Variants in MAPRE3 observed in about 807,000 individuals in gnomAD.
MAPRE3 encodes microtubule associated protein RP/EB family member 3.
In MAPRE3, 2 loss-of-function variants were observed where a neutral mutation model predicts 30.5. The ratio of observed to expected loss-of-function variants is 0.07; its 90% CI spans 0.03 to 0.21. The LOEUF is 0.21. Ranked by LOEUF, MAPRE3 falls within the 10% of genes least tolerant of loss-of-function variation. The pLI is 1.00. For synonymous variants in MAPRE3, 110 were observed against 127.7 expected (o/e 0.86, Z 0.93); for missense variants, 204 against 351.8 (o/e 0.58, Z 3.36).
rs1666962527 is a variant in MAPRE3, at chr2:27,015,478, A to T, written c.-7-6734A>T. Among the ~76,000 whole-genome samples, 2 of 152,204 alleles carry T rather than the reference A, an allele frequency of 1.3e-5. No individual in the cohort carries two copies. The highest frequency in any genetic ancestry group is 4.8e-5 in the African/African-American group (2 of 41,440). ...TACCTTTCTGGAGCTTGCTGGAGGCATGCTGGCCACCTCCTTCAGGACTGG... is the reference window on the plus strand; with the variant it reads ...TACCTTTCTGGAGCTTGCTGGAGGCTTGCTGGCCACCTCCTTCAGGACTGG... On this transcript the variant is annotated intron_variant, in intron 1 of 6. Transcript: ENST00000233121. This position sits in a 1 kb window ranked among gnomAD's most constrained non-coding sequence, Gnocchi z 4.0.
intron 1 of MAPRE3, among the ~76,000 whole-genome samples, chr2:26,976,655 G>T (rs967990427): frequency 2.6e-5 from 4 of 152,134 alleles, no homozygotes; most frequent in African/African-American, 9.7e-5. Flanking sequence ...TGCTTCATTT[G>T]CCTCAAGTAA....
intron 1 of MAPRE3, chr2:27,002,903 C>T (rs1374252322): frequency 2.0e-5 from 3 of 152,274 alleles, no homozygotes; most frequent in African/African-American, 7.2e-5. Context: ...CAGTGCACCC[C>T]ACATCCTCAC....
intron 1 of MAPRE3, among the ~76,000 whole-genome samples, chr2:27,001,318 A>G: frequency 6.6e-6 from 1 of 152,224 alleles, no homozygotes; most frequent in African/African-American, 2.4e-5. Flanking sequence ...ACTGTAGGCA[A>G]TTGGAACATA....
At chr2:27,014,719 C>A (rs950840859) in intron 1 of MAPRE3, 4 of 152,356 alleles carry the variant, frequency 2.6e-5, no homozygotes, top group African/African-American at 9.7e-5. Flanking sequence ...TGGCTTGCTC[C>A]CCAGCCCCTC....
chr2:26,993,495 T>C (rs1329787213), intron 1 of MAPRE3, among the ~76,000 whole-genome samples: 2 of 152,138 alleles, frequency 1.3e-5, no homozygotes, highest in African/African-American at 4.8e-5. Flanking sequence ...AATTACAGAG[T>C]CCCCCACCAT....
intron 1 of MAPRE3, among the ~76,000 whole-genome samples, chr2:26,978,788 T>C (rs1423019594): frequency 6.6e-6 from 1 of 152,248 alleles, no homozygotes; most frequent in Non-Finnish European, 1.5e-5. Context: ...TTTTGTATTG[T>C]TAGTCACTAT....
In MAPRE3 at chr2:26,994,611, T is replaced by C. The variant is rs150292750; in HGVS notation, c.-8+23809T>C. ...TACAATCAGCTTCTACATCATGACA[T>C]CGTTACAGTTTGCCAAGTTTGTAGC... On this transcript the variant is annotated intron_variant, in intron 1 of 6. Coordinates refer to ENST00000233121, the MANE Select transcript of MAPRE3 (RefSeq NM_012326.4). Among the ~76,000 whole-genome samples, 98 of 152,320 alleles carry C rather than the reference T, an allele frequency of 6.4e-4. 1 individual carries two copies. The highest frequency in any genetic ancestry group is 2.1e-3 in the African/African-American group (89 of 41,568).
intron 1 of MAPRE3, among the ~76,000 whole-genome samples, chr2:27,000,652 G>A (rs928433084): frequency 1.3e-5 from 2 of 152,254 alleles, no homozygotes; most frequent in East Asian, 3.8e-4. Context: ...AGGGAAGCAA[G>A]GCCCATGACC....
chr2:26,991,019 C>G (rs761006845), intron 1 of MAPRE3, among the ~76,000 whole-genome samples: 11 of 152,124 alleles, frequency 7.2e-5, no homozygotes, highest in African/African-American at 2.4e-4. Flanking sequence ...TTTGGGAGGC[C>G]GAGGCGGGCG....
At chr2:26,982,931 G>C (rs142849748) in intron 1 of MAPRE3, among the ~76,000 whole-genome samples, 4 of 152,182 alleles carry the variant, frequency 2.6e-5, no homozygotes, top group African/African-American at 9.7e-5. Flanking sequence ...TAATGGACAA[G>C]AGTGCCAGCA....
chr2:26,971,501 C>A (rs1013669358), intron 1 of MAPRE3, among the ~76,000 whole-genome samples: 1 of 152,026 alleles, frequency 6.6e-6, no homozygotes, highest in Non-Finnish European at 1.5e-5. Context: ...GCCGGTGTTG[C>A]GGAGCGGGGA....
chr2:26,991,746 C>T (rs1388298195), intron 1 of MAPRE3, among the ~76,000 whole-genome samples: 5 of 152,180 alleles, frequency 3.3e-5, no homozygotes, highest in African/African-American at 9.7e-5. Flanking sequence ...GCCCTGGCAA[C>T]GTCTAGGCAC....
At position 26,991,203 on chromosome 2, in the gene MAPRE3, G is replaced by A. The variant is rs183048768; in HGVS notation, c.-8+20401G>A. On this transcript the variant is annotated intron_variant, in intron 1 of 6. Transcript: ENST00000233121. ...GGGAAGGCAGAGCTTGCAGTGAGCC[G>A]AGTTCGTGCCACTGCACTCCAGCCT... Among the ~76,000 whole-genome samples, 452 of 152,238 alleles carry A rather than the reference G, an allele frequency of 3.0e-3. 3 individuals carry two copies. The highest frequency in any genetic ancestry group is 4.6e-3 in the Non-Finnish European group (310 of 68,002).
At chr2:27,002,425 T>TC (rs1202658728) in intron 1 of MAPRE3, among the ~76,000 whole-genome samples, 1 of 151,640 alleles carries the variant, frequency 6.6e-6, no homozygotes, top group Non-Finnish European at 1.5e-5. Context: ...TAATCTTTTT[T>TC]TTTTTTTAAC....
At chr2:27,002,425 T>C (rs1259001684) in intron 1 of MAPRE3, among the ~76,000 whole-genome samples, 2 of 151,640 alleles carry the variant, frequency 1.3e-5, no homozygotes, top group African/African-American at 4.8e-5. Context: ...TAATCTTTTT[T>C]TTTTTTTAAC....
intron 1 of MAPRE3, among the ~76,000 whole-genome samples, chr2:27,009,579 C>T (rs1016014770): frequency 2.4e-4 from 36 of 152,154 alleles, no homozygotes; most frequent in Non-Finnish European, 4.7e-4. Flanking sequence ...ATACTGTGTA[C>T]CTGAAAAGAA....
chr2:27,023,582 C>T (rs760057595), intron 3 of MAPRE3, 105 bp downstream of exon 3: 16 of 1,414,256 alleles, frequency 1.1e-5, no homozygotes, highest in African/African-American at 8.4e-5. Flanking sequence ...TTCCGGTGCT[C>T]GTGCCTCCCT....
At chr2:26,973,753 C>T (rs1665962537) in intron 1 of MAPRE3, among the ~76,000 whole-genome samples, 1 of 151,956 alleles carries the variant, frequency 6.6e-6, no homozygotes, top group South Asian at 2.1e-4. Context: ...GACGGGGTTT[C>T]ACCTTGTTAG....
intron 1 of MAPRE3, among the ~76,000 whole-genome samples, chr2:27,016,479 G>A (rs1397551389): frequency 6.6e-6 from 1 of 151,488 alleles, no homozygotes; most frequent in African/African-American, 2.4e-5. Flanking sequence ...CCGCCTCCCG[G>A]GTTCACGCCA....
Sources: allele counts gnomAD v4.1 joint callset (sites outside exome capture counted in the v4.1 genomes callset), GRCh38; gene constraint gnomAD v4.1.1; non-coding constraint Gnocchi (gnomAD v3.1); transcripts MANE v1.5; gene names NCBI Gene and HGNC (gene_info 2026-07-23, HGNC 2026-07-21).